Variants in GABRB1 observed in about 807,000 individuals in gnomAD.
The protein encoded by GABRB1 is gamma-aminobutyric acid type A receptor subunit beta1.
Under a neutral mutation model 51.6 loss-of-function variants are expected in GABRB1, and 17 were observed. The observed-to-expected ratio is 0.33, with a 90% CI of 0.23 to 0.49. GABRB1 has a LOEUF of 0.49. GABRB1 is among the 20% of genes least tolerant of loss of function. The pLI is 0.99. For missense variants in GABRB1, 410 were observed against 600.6 expected, an observed-to-expected ratio of 0.68 and a Z score of 3.32; for synonymous variants, 247 against 218.9, an observed-to-expected ratio of 1.13 and a Z score of -1.14.
intron 4 of GABRB1, among the ~76,000 whole-genome samples, chr4:47,205,652 T>C (rs527737578): frequency 2.6e-5 from 4 of 152,258 alleles, no homozygotes; most frequent in South Asian, 4.1e-4. Context: ...TCAACAGCTA[T>C]AATCTGTTAC....
chr4:47,331,831 T>G (rs1560337153), intron 5 of GABRB1, among the ~76,000 whole-genome samples: 1 of 152,166 alleles, frequency 6.6e-6, no homozygotes, highest in Non-Finnish European at 1.5e-5. Context: ...AATCGAACCA[T>G]CAAGGTAGTA....
At chr4:47,171,128 T>G (rs377425459) in intron 4 of GABRB1, among the ~76,000 whole-genome samples, 7 of 152,136 alleles carry the variant, frequency 4.6e-5, no homozygotes, top group Admixed American at 2.6e-4. Context: ...TATTTGTGGA[T>G]GTATCATTGT....
intron 3 of GABRB1, among the ~76,000 whole-genome samples, chr4:47,137,622 A>G (rs923709827): frequency 6.6e-6 from 1 of 152,150 alleles, no homozygotes; most frequent in Non-Finnish European, 1.5e-5. Flanking sequence ...TTCATTGCTG[A>G]TAATGAGCAA....
intron 5 of GABRB1, among the ~76,000 whole-genome samples, chr4:47,385,486 G>T (rs765938678): frequency 6.6e-6 from 1 of 152,144 alleles, no homozygotes; most frequent in Non-Finnish European, 1.5e-5. Context: ...GACTGTAAAA[G>T]ATTTGACCAC....
At chr4:47,190,290 A>G (rs971088751) in intron 4 of GABRB1, among the ~76,000 whole-genome samples, 12 of 152,174 alleles carry the variant, frequency 7.9e-5, no homozygotes, top group Admixed American at 7.2e-4. Context: ...CAGTGGAGAT[A>G]ATAAGTACTG....
chr4:47,095,481 C>T (rs186741130), intron 3 of GABRB1, among the ~76,000 whole-genome samples: 15 of 152,308 alleles, frequency 9.8e-5, no homozygotes, highest in Admixed American at 9.8e-4. Context: ...ACTTACCCGG[C>T]ACATGCAGAT....
chr4:47,149,719 G>T (rs1238998131), intron 3 of GABRB1, among the ~76,000 whole-genome samples: 2 of 151,740 alleles, frequency 1.3e-5, no homozygotes, highest in East Asian at 2.0e-4. Flanking sequence ...AGCTACATCA[G>T]AGGAAAACTA....
chr4:47,242,339 A>T (rs1329857816), intron 4 of GABRB1, among the ~76,000 whole-genome samples: 1 of 152,234 alleles, frequency 6.6e-6, no homozygotes, highest in Non-Finnish European at 1.5e-5. Context: ...TAGTGCCGCA[A>T]TAAACATACG....
chr4:47,184,856 C>T (rs1015591354), intron 4 of GABRB1, among the ~76,000 whole-genome samples: 2 of 151,830 alleles, frequency 1.3e-5, no homozygotes, highest in Non-Finnish European at 2.9e-5. Context: ...GAGACTGCCA[C>T]ATACATAAGG....
intron 4 of GABRB1, among the ~76,000 whole-genome samples, chr4:47,287,790 TGA>T (rs1723565650): frequency 6.6e-6 from 1 of 152,226 alleles, no homozygotes; most frequent in Non-Finnish European, 1.5e-5. Context: ...GGAAGCCAGT[TGA>T]GAGTTTCCCT....
At chr4:47,113,527 T>A (rs1472959365) in intron 3 of GABRB1, among the ~76,000 whole-genome samples, 5 of 151,974 alleles carry the variant, frequency 3.3e-5, no homozygotes, top group Admixed American at 6.6e-5. Flanking sequence ...AAAAAATAAG[T>A]CAATATAAAA....
chr4:47,028,745 C>A (rs67822962), upstream of GABRB1, among the ~76,000 whole-genome samples: 71,797 of 149,380 alleles, frequency 0.48, 17,413 homozygotes, highest in East Asian at 0.52. Context: ...TACATACACA[C>A]ACAAACACAC....
At chr4:47,274,827 C>A (rs1723020179) in intron 4 of GABRB1, among the ~76,000 whole-genome samples, 1 of 152,162 alleles carries the variant, frequency 6.6e-6, no homozygotes. Flanking sequence ...AGCCCCAGTG[C>A]TGCTGGCCAA....
At chr4:46,994,043 G>C (rs1723888581) in intron 1 of GABRB1, 5 of 152,560 alleles carry the variant, frequency 3.3e-5, no homozygotes, top group African/African-American at 1.2e-4. Context: ...TCAAGTCCGG[G>C]CTCAAACCAC....
chr4:47,132,356 T>G (rs911542933), intron 3 of GABRB1, among the ~76,000 whole-genome samples: 4 of 152,044 alleles, frequency 2.6e-5, no homozygotes, highest in African/African-American at 9.7e-5. Context: ...TTACCATCTC[T>G]GTGAAGACGT....
At chr4:47,247,976 C>T (rs1171950039) in intron 4 of GABRB1, among the ~76,000 whole-genome samples, 2 of 152,038 alleles carry the variant, frequency 1.3e-5, no homozygotes, top group Admixed American at 1.3e-4. Flanking sequence ...GTTTAAATTC[C>T]TCTTTACTGA....
At chr4:47,071,576 T>G (rs986278946) in intron 3 of GABRB1, among the ~76,000 whole-genome samples, 3 of 152,136 alleles carry the variant, frequency 2.0e-5, no homozygotes, top group African/African-American at 7.2e-5. Context: ...CATTACTTTA[T>G]TTTAATTTTC....
intron 4 of GABRB1, among the ~76,000 whole-genome samples, chr4:47,293,881 A>T (rs1160465382): frequency 6.6e-6 from 1 of 152,206 alleles, no homozygotes; most frequent in Non-Finnish European, 1.5e-5. Flanking sequence ...ATTGTCCATT[A>T]TACATAAGCA....
At chr4:47,345,933 C>T (rs1421932528) in intron 5 of GABRB1, among the ~76,000 whole-genome samples, 1 of 152,018 alleles carries the variant, frequency 6.6e-6, no homozygotes, top group African/African-American at 2.4e-5. Flanking sequence ...CCAGACATGC[C>T]AACAGCAGTT....
Sources: allele counts gnomAD v4.1 joint callset (sites outside exome capture counted in the v4.1 genomes callset), GRCh38; gene constraint gnomAD v4.1.1; transcripts MANE v1.5; gene names NCBI Gene and HGNC (gene_info 2026-07-23, HGNC 2026-07-21).